The following SPTLC2 variants were observed in gnomAD, a reference collection of about 807,000 sequenced individuals.
SPTLC2 encodes serine palmitoyltransferase long chain base subunit 2.
SPTLC2 carries 21 observed loss-of-function variants against 62.0 expected under a neutral mutation model. That is an observed-to-expected ratio of 0.34 (90% CI 0.24 to 0.49). The LOEUF (loss-of-function observed/expected upper bound fraction) is 0.49, where lower values mean the gene tolerates loss of function less well. Among genes scored for constraint, SPTLC2 ranks in the 20% least tolerant of loss-of-function variants. SPTLC2 has a pLI of 0.99. For missense variants in SPTLC2, 511 were observed against 713.0 expected (o/e 0.72, Z 3.23); for synonymous variants, 261 against 261.8 (o/e 1.00, Z 0.03).
rs1555373703 is a variant in SPTLC2, at chr14:77,529,620, C to CTTTCTTT, written c.1304-8040_1304-8039insAAAGAAA. On this transcript the variant is annotated intron_variant, in intron 9 of 11. Transcript: ENST00000216484. ...TTCTAGGAAAGCAATTTCTTTCTTT[C>CTTTCTTT]TTTTTTTTTTTTTTTTTTTTTTGAG... is the stretch of plus-strand genomic sequence containing the variant. Among the ~76,000 whole-genome samples the CTTTCTTT allele has an allele frequency of 2.4e-3, 181 of 76,074 alleles. 19 individuals are homozygous for CTTTCTTT. Among genetic ancestry groups the CTTTCTTT allele is most frequent in the Non-Finnish European group, 3.6e-3 (133 of 36,826 alleles). The allele number at this position is 76,074 out of a possible 152,430, so 49.9% of individuals were successfully genotyped here. A position where few individuals can be genotyped will look rare whatever the true frequency, so the allele number is the denominator to read the frequency against.
At chr14:77,540,988 G>A (rs1204486612) in intron 9 of SPTLC2, among the ~76,000 whole-genome samples, 1 of 152,090 alleles carries the variant, frequency 6.6e-6, no homozygotes, top group East Asian at 1.9e-4. Flanking sequence ...AAGTGTAACT[G>A]TACTCAGAAG....
At position 77,545,896 on chromosome 14, in the gene SPTLC2, G is replaced by A. The variant is rs555769286; in HGVS notation, c.1303+6200C>T. On this transcript the variant is annotated intron_variant, in intron 9 of 11. Transcript: ENST00000216484. Reference sequence around the variant, plus strand: ...GATTTGGAAGAAAAAGATAGCAGTGGAATAAAAAATAGACACACCATGTTG... The same window carrying A: ...GATTTGGAAGAAAAAGATAGCAGTGAAATAAAAAATAGACACACCATGTTG... Among the ~76,000 whole-genome samples, 14 of 152,224 alleles carry A rather than the reference G, an allele frequency of 9.2e-5. No individual in the cohort carries two copies. The South Asian group carries it at 1.2e-3, about 14-fold the overall frequency.
intron 4 of SPTLC2, among the ~76,000 whole-genome samples, chr14:77,572,208 C>T (rs1219976517): frequency 6.6e-6 from 1 of 152,140 alleles, no homozygotes; most frequent in African/African-American, 2.4e-5. Context: ...TCTGGAGTGC[C>T]AGTTAGAAAC....
chr14:77,604,440 T>G (rs1169957366), intron 1 of SPTLC2, among the ~76,000 whole-genome samples: 1 of 152,236 alleles, frequency 6.6e-6, no homozygotes, highest in Non-Finnish European at 1.5e-5. Flanking sequence ...TCAGTTTCTG[T>G]TGCTCTCAAC....
At chr14:77,587,759 A>AAATAATAATACTAAT (rs2079790222) in intron 2 of SPTLC2, among the ~76,000 whole-genome samples, 3 of 145,100 alleles carry the variant, frequency 2.1e-5, no homozygotes, top group Non-Finnish European at 1.5e-5. Context: ...CTCTGTCTCA[A>AAATAATAATACTAAT]AATAATAATA....
chr14:77,587,444 T>C (rs1463127949), intron 2 of SPTLC2, among the ~76,000 whole-genome samples: 2 of 151,698 alleles, frequency 1.3e-5, no homozygotes, highest in African/African-American at 4.8e-5. Flanking sequence ...TGACAAGAAA[T>C]GAAAAAAGCC....
chr14:77,587,704 C>A (rs543304890), intron 2 of SPTLC2, among the ~76,000 whole-genome samples: 25 of 151,524 alleles, frequency 1.6e-4, no homozygotes, highest in African/African-American at 5.3e-4. Context: ...TTGCAGTGAA[C>A]CGAGATCGCA....
intron 1 of SPTLC2, among the ~76,000 whole-genome samples, chr14:77,602,018 C>G (rs936171184): frequency 1.1e-4 from 16 of 152,176 alleles, no homozygotes; most frequent in Middle Eastern, 3.2e-3. Flanking sequence ...TGGTCATTCA[C>G]CCACATTCCC....
At chr14:77,569,658 C>G (rs919015481) in intron 5 of SPTLC2, among the ~76,000 whole-genome samples, 1 of 150,514 alleles carries the variant, frequency 6.6e-6, no homozygotes, top group Non-Finnish European at 1.5e-5. Context: ...GAATAAATAA[C>G]CTCAAGGGGC....
rs1241359604 is a variant in SPTLC2 at position 77,609,741 on chromosome 14, T to A, written c.132+6707A>T. ...AGACTCTGTCTCAAAAAAAAAAAAA[T>A]TTTGCCACTCATGGTGGCATATGCC... On this transcript the variant is annotated intron_variant, in intron 1 of 11. Coordinates refer to ENST00000216484, the MANE Select transcript of SPTLC2 (RefSeq NM_004863.4). Among the ~76,000 whole-genome samples, 4 of 150,988 alleles carry A rather than the reference T, an allele frequency of 2.6e-5. No individual in the cohort carries two copies. The South Asian group carries it at 6.3e-4, about 24-fold the overall frequency.
intron 5 of SPTLC2, among the ~76,000 whole-genome samples, chr14:77,567,275 GGTT>G (rs2079650694): frequency 1.3e-5 from 2 of 152,196 alleles, no homozygotes; most frequent in African/African-American, 2.4e-5. Flanking sequence ...AAATCCTTAT[GGTT>G]GTATCTTCCA....
At chr14:77,557,546 A>T (rs2079591356) in intron 6 of SPTLC2, among the ~76,000 whole-genome samples, 1 of 152,212 alleles carries the variant, frequency 6.6e-6, no homozygotes, top group South Asian at 2.1e-4. Flanking sequence ...AGAGCGAGAG[A>T]GTGTGAATAA....
rs745994088 is a variant in SPTLC2 at position 77,510,363 on chromosome 14, G to C, written c.*1921C>G. 1.1e-4 allele frequency: 17 copies of C among 158,874 alleles called. No homozygotes were observed. Among genetic ancestry groups the C allele is most frequent in the Non-Finnish European group, 1.8e-4 (13 of 72,814 alleles). The allele number at this position is 158,874 out of a possible 1,614,324, so 9.8% of individuals were successfully genotyped here. A position where few individuals can be genotyped will look rare whatever the true frequency, so the allele number is the denominator to read the frequency against. ...AACAATAATATTGCTTACATCCTCT[G>C]CTATACGTAATGTGCACAAACATAT... On this transcript the variant is annotated 3_prime_UTR_variant, in exon 12 of 12. Transcript: ENST00000216484.
chr14:77,611,302 CAA>C (rs906170458), intron 1 of SPTLC2, among the ~76,000 whole-genome samples: 1 of 140,936 alleles, frequency 7.1e-6, no homozygotes, highest in African/African-American at 2.6e-5. Flanking sequence ...GACTCTGTCT[CAA>C]AAAAAAAAAT....
At chr14:77,610,915 A>T (rs942495694) in intron 1 of SPTLC2, among the ~76,000 whole-genome samples, 29 of 139,142 alleles carry the variant, frequency 2.1e-4, no homozygotes, top group African/African-American at 4.6e-4. Flanking sequence ...TTATATATAT[A>T]TATTTTTATT....
intron 8 of SPTLC2, chr14:77,554,997 C>T: frequency 5.0e-6 from 2 of 398,020 alleles, no homozygotes; most frequent in Non-Finnish European, 9.5e-6. Flanking sequence ...ACAATGCAAA[C>T]CCAACAGAAG....
chr14:77,578,950 C>T lies in SPTLC2; in HGVS notation c.482+5G>A, dbSNP rs745470171. Reference sequence around the variant, plus strand: ...TTGTCAAATAATTTCCCAACCAAGACTCACTTGAAGGACCAGTTATAATCA... The same window carrying T: ...TTGTCAAATAATTTCCCAACCAAGATTCACTTGAAGGACCAGTTATAATCA... On this transcript the variant is annotated splice_donor_5th_base_variant and intron_variant, in intron 3 of 11. Coordinates refer to ENST00000216484, the MANE Select transcript of SPTLC2 (RefSeq NM_004863.4). 1 of 1,613,972 alleles carries T rather than the reference C, an allele frequency of 6.2e-7. No individual in the cohort carries two copies. Among genetic ancestry groups the T allele is most frequent in the Non-Finnish European group, 8.5e-7 (1 of 1,179,948 alleles).
At chr14:77,535,913 A>G (rs745947103) in intron 9 of SPTLC2, 4 of 452,762 alleles carry the variant, frequency 8.8e-6, no homozygotes, top group South Asian at 6.3e-5. Flanking sequence ...AGCATGATCC[A>G]TAGGCACTGG....
At chr14:77,556,681 T>A (rs2079585721) in intron 7 of SPTLC2, among the ~76,000 whole-genome samples, 1 of 152,182 alleles carries the variant, frequency 6.6e-6, no homozygotes, top group Admixed American at 6.5e-5. Context: ...CGTGAGCCAC[T>A]GCACTCAGCC....
Sources: gnomAD v4.1 joint callset for allele counts (sites outside exome capture counted in the v4.1 genomes callset) on GRCh38, gnomAD v4.1.1 for gene constraint, MANE v1.5 for transcripts, NCBI Gene and HGNC (gene_info 2026-07-23, HGNC 2026-07-21) for gene names.